DCAF1: variants seen among roughly 807,000 people sequenced by gnomAD.
The protein encoded by DCAF1 is DDB1 and CUL4 associated factor 1, also known as DDB1- and CUL4-associated factor 1.
In DCAF1, 15 loss-of-function variants were observed where a neutral mutation model predicts 128.0. That is an observed-to-expected ratio of 0.12 (90% CI 0.08 to 0.18). DCAF1 has a LOEUF of 0.18. Among genes scored for constraint, DCAF1 ranks in the 10% least tolerant of loss-of-function variants. The pLI is 1.00. For missense variants in DCAF1, 988 were observed against 1,649.5 expected (o/e 0.60, Z 6.95); for synonymous variants, 610 against 603.0 (o/e 1.01, Z -0.17).
At chr3:51,484,606 A>T (rs1328295437) in intron 2 of DCAF1, among the ~76,000 whole-genome samples, 2 of 152,042 alleles carry the variant, frequency 1.3e-5, no homozygotes, top group Non-Finnish European at 2.9e-5. Flanking sequence ...CTACTCCCAA[A>T]ATATTTTGCT....
intron 23 of DCAF1, among the ~76,000 whole-genome samples, chr3:51,411,254 A>G (rs1289245426): frequency 6.6e-6 from 1 of 152,190 alleles, no homozygotes; most frequent in East Asian, 1.9e-4. Flanking sequence ...ACTGGGGAAG[A>G]AAACATTTTT....
At chr3:51,459,918 GAGCTATCC>G (rs1703353492) in intron 6 of DCAF1, among the ~76,000 whole-genome samples, 1 of 151,976 alleles carries the variant, frequency 6.6e-6, no homozygotes, top group African/African-American at 2.4e-5. Flanking sequence ...AAAATAATAA[GAGCTATCC>G]ATGACAAACC....
At chr3:51,458,464 G>A (rs1553643563) in intron 6 of DCAF1, among the ~76,000 whole-genome samples, 1 of 152,050 alleles carries the variant, frequency 6.6e-6, no homozygotes, top group South Asian at 2.1e-4. Flanking sequence ...CAATAATAAT[G>A]GGAGACTTTA....
At chr3:51,402,868 C>A (rs566560339) in intron 24 of DCAF1, among the ~76,000 whole-genome samples, 1 of 152,104 alleles carries the variant, frequency 6.6e-6, no homozygotes, top group South Asian at 2.1e-4. Context: ...CCACCGTGCC[C>A]GGCTGCATAA....
chr3:51,458,796 A>AG (rs1273690994), intron 6 of DCAF1, among the ~76,000 whole-genome samples: 2 of 152,192 alleles, frequency 1.3e-5, no homozygotes, highest in Non-Finnish European at 2.9e-5. Context: ...AAACTGAACA[A>AG]CCTGCTCCTG....
chr3:51,491,968 C>T (rs566721652), intron 2 of DCAF1, among the ~76,000 whole-genome samples: 3 of 152,086 alleles, frequency 2.0e-5, no homozygotes, highest in South Asian at 4.1e-4. Flanking sequence ...CCATCCTAGC[C>T]AACATGGTGA....
intron 3 of DCAF1, among the ~76,000 whole-genome samples, chr3:51,479,849 A>G (rs1157232740): frequency 6.6e-6 from 1 of 152,048 alleles, no homozygotes; most frequent in Non-Finnish European, 1.5e-5. Flanking sequence ...ATAATGGGGG[A>G]AAATTAAAAT....
intron 3 of DCAF1, among the ~76,000 whole-genome samples, chr3:51,482,468 A>G (rs1164197493): frequency 6.7e-6 from 1 of 150,256 alleles, no homozygotes; most frequent in Non-Finnish European, 1.5e-5. Flanking sequence ...GAGCCAGGTA[A>G]AGATATATTC....
In DCAF1 at chr3:51,422,758, A is replaced by G. The variant is rs578028088; in HGVS notation, c.1848-327T>C. On this transcript the variant is annotated intron_variant, in intron 13 of 24. Transcript: ENST00000684031. ...TTTTGGTGAGAGTAGAAATTAGTAC[A>G]CTCTTTCCAGAAAGTAATCTGGAGG... is the stretch of plus-strand genomic sequence containing the variant. 4.6e-5 allele frequency among the ~76,000 whole-genome samples: 7 copies of G among 152,210 alleles called. No homozygotes were observed. In the South Asian group the frequency reaches 1.5e-3, roughly 32 times the overall value.
chr3:51,494,075 G>A (rs547588814), intron 2 of DCAF1, among the ~76,000 whole-genome samples: 2 of 151,406 alleles, frequency 1.3e-5, no homozygotes, highest in African/African-American at 4.8e-5. Flanking sequence ...TGAGGAAAGG[G>A]GAAAATGGGC....
intron 16 of DCAF1, among the ~76,000 whole-genome samples, chr3:51,418,470 G>C (rs980456537): frequency 3.3e-5 from 5 of 152,216 alleles, no homozygotes; most frequent in Admixed American, 2.6e-4. Flanking sequence ...GGGGGAAAAT[G>C]AGAAGATGTC....
intron 2 of DCAF1, among the ~76,000 whole-genome samples, chr3:51,484,734 G>C (rs1317450173): frequency 1.4e-5 from 2 of 145,664 alleles, no homozygotes; most frequent in Non-Finnish European, 3.0e-5. Context: ...CCAGGCTGGA[G>C]TGCAATGGCA....
rs782244662 is a variant in DCAF1, at chr3:51,463,162, T to C, written c.327A>G (p.Leu109=). ...PPLNTAACRL[L]LDIMPGLETA... is the part of the protein sequence containing the mutation. ...TTTCCAGCCCTGGCATGATGTCTAA[T>C]AGGAGTCTGCAAGCTGCAGTGTTTA... Residue 109 remains leucine, a synonymous_variant, in exon 6 of 25, where the codon CTA becomes CTG. Transcript: ENST00000684031. 14 of 1,599,208 alleles carry C rather than the reference T, an allele frequency of 8.8e-6. No homozygotes were observed. The highest frequency in any genetic ancestry group is 7.9e-5 in the South Asian group (7 of 88,920).
chr3:51,459,026 C>G (rs1304864023), intron 6 of DCAF1, among the ~76,000 whole-genome samples: 1 of 152,102 alleles, frequency 6.6e-6, no homozygotes, highest in Non-Finnish European at 1.5e-5. Flanking sequence ...AGAGCAAACA[C>G]ATTCAAAAGC....
chr3:51,438,279 C>T (rs1215802945), intron 9 of DCAF1, among the ~76,000 whole-genome samples: 1 of 152,078 alleles, frequency 6.6e-6, no homozygotes, highest in Non-Finnish European at 1.5e-5. Context: ...TTGTTGATTG[C>T]TTACGATATA....
At chr3:51,460,037 G>A (rs1703366807) in intron 6 of DCAF1, among the ~76,000 whole-genome samples, 1 of 152,116 alleles carries the variant, frequency 6.6e-6, no homozygotes, top group Admixed American at 6.6e-5. Flanking sequence ...ATTCAACATA[G>A]CGTTGGGAGT....
chr3:51,473,255 T>A (rs1704978826), intron 3 of DCAF1, among the ~76,000 whole-genome samples: 1 of 144,260 alleles, frequency 6.9e-6, no homozygotes, highest in African/African-American at 2.6e-5. Context: ...AGAGCAAAAC[T>A]CTATCTCAAA....
chr3:51,418,303 T>C, intron 16 of DCAF1, 105 bp from the exon 17 acceptor site: 1 of 1,495,430 alleles, frequency 6.7e-7, no homozygotes, highest in Non-Finnish European at 8.9e-7. Context: ...TGTTGTTGAA[T>C]TAAAGAGACA....
chr3:51,456,566 T>C (rs1217610144), intron 6 of DCAF1, among the ~76,000 whole-genome samples: 1 of 152,162 alleles, frequency 6.6e-6, no homozygotes, highest in Non-Finnish European at 1.5e-5. Context: ...AAGAGAGTAG[T>C]GGTTCTCCCA....
Sources: gnomAD v4.1 joint callset for allele counts (sites outside exome capture counted in the v4.1 genomes callset) on GRCh38, gnomAD v4.1.1 for gene constraint, MANE v1.5 for transcripts, NCBI Gene and HGNC (gene_info 2026-07-23, HGNC 2026-07-21) for gene names.